DSCAM: variants seen among roughly 807,000 people sequenced by gnomAD.
DSCAM encodes the protein DS cell adhesion molecule.
A neutral mutation model predicts 217.7 loss-of-function variants in DSCAM; 47 were observed. That is an observed-to-expected ratio of 0.22 (90% CI 0.17 to 0.28). The LOEUF (loss-of-function observed/expected upper bound fraction) is 0.28, where lower values mean the gene tolerates loss of function less well. Among genes scored for constraint, DSCAM ranks in the 10% least tolerant of loss-of-function variants. The pLI is 1.00. For missense variants in DSCAM, 2,080 were observed against 2,618.3 expected, an observed-to-expected ratio of 0.79 and a Z score of 4.49; for synonymous variants, 1,056 against 1,015.3, an observed-to-expected ratio of 1.04 and a Z score of -0.76.
chr21:40,426,728 G>A (rs2075478598), intron 3 of DSCAM, among the ~76,000 whole-genome samples: 1 of 152,100 alleles, frequency 6.6e-6, no homozygotes, highest in Non-Finnish European at 1.5e-5. Flanking sequence ...AAGCTTTGTT[G>A]TGTGCTTCCT....
chr21:40,083,126 C>T (rs992044646), intron 24 of DSCAM, among the ~76,000 whole-genome samples: 3 of 152,208 alleles, frequency 2.0e-5, no homozygotes, highest in Non-Finnish European at 4.4e-5. Flanking sequence ...ATGCTCACTC[C>T]TTCCATATAA....
chr21:40,512,892 A>G (rs567723313), intron 3 of DSCAM, among the ~76,000 whole-genome samples: 8 of 151,480 alleles, frequency 5.3e-5, no homozygotes, highest in Admixed American at 1.3e-4. Context: ...ACTAATTTTT[A>G]TTTTTATTTA....
At chr21:40,045,189 A>G (rs1395948750) in intron 30 of DSCAM, among the ~76,000 whole-genome samples, 1 of 152,216 alleles carries the variant, frequency 6.6e-6, no homozygotes. Context: ...GGAAATTAAT[A>G]CAGATGTTGC....
intron 3 of DSCAM, among the ~76,000 whole-genome samples, chr21:40,508,852 G>A (rs1249576395): frequency 2.9e-5 from 4 of 138,758 alleles, no homozygotes; most frequent in Non-Finnish European, 6.1e-5. Flanking sequence ...TGCCCAGGCT[G>A]GTCTCAAACT....
intron 3 of DSCAM, among the ~76,000 whole-genome samples, chr21:40,491,052 C>T (rs551268186): frequency 2.6e-5 from 4 of 152,108 alleles, no homozygotes; most frequent in Non-Finnish European, 4.4e-5. Flanking sequence ...TCTCTGCCCC[C>T]GTGTTTTAAG....
intron 3 of DSCAM, among the ~76,000 whole-genome samples, chr21:40,503,233 C>T (rs1307625709): frequency 2.6e-5 from 4 of 152,202 alleles, no homozygotes; most frequent in Non-Finnish European, 5.9e-5. Context: ...GAGCGCTCCA[C>T]CGACCTTGGA....
intron 1 of DSCAM, among the ~76,000 whole-genome samples, chr21:40,766,742 T>C (rs1374041987): frequency 5.1e-5 from 7 of 137,610 alleles, no homozygotes; most frequent in Non-Finnish European, 7.6e-5. Context: ...CAGTCTGGAG[T>C]GCAGTGGTGC....
intron 14 of DSCAM, among the ~76,000 whole-genome samples, chr21:40,183,865 G>T (rs1277041368): frequency 6.6e-6 from 1 of 152,158 alleles, no homozygotes; most frequent in African/African-American, 2.4e-5. Flanking sequence ...CTTTTGGGGG[G>T]ATAATTTCAC....
At chr21:40,654,810 C>T (rs2090055377) in intron 3 of DSCAM, among the ~76,000 whole-genome samples, 1 of 152,138 alleles carries the variant, frequency 6.6e-6, no homozygotes, top group Non-Finnish European at 1.5e-5. Context: ...AATCACATCT[C>T]CAGATTCTTA....
At chr21:40,446,541 A>C (rs148126986) in intron 3 of DSCAM, among the ~76,000 whole-genome samples, 1 of 152,198 alleles carries the variant, frequency 6.6e-6, no homozygotes, top group African/African-American at 2.4e-5. Context: ...GATCAACTGC[A>C]TTAAGGAAGA....
rs1480709695 is a variant in DSCAM, at chr21:40,025,461, T to G, written c.5687-12075A>C. On this transcript the variant is annotated intron_variant, in intron 32 of 32. Transcript: ENST00000400454. ...AGAAGGAATGGTACCAGTTCCTCCT[T>G]GTACCTCTGGTAGAATTCGGCTGTG... Among the ~76,000 whole-genome samples, 436 of 147,066 alleles carry G rather than the reference T, an allele frequency of 3.0e-3. 14 individuals carry two copies. The highest frequency in any genetic ancestry group is 0.011 in the African/African-American group (425 of 38,798).
At chr21:40,770,529 G>A (rs1265968776) in intron 1 of DSCAM, among the ~76,000 whole-genome samples, 1 of 152,198 alleles carries the variant, frequency 6.6e-6, no homozygotes, top group Non-Finnish European at 1.5e-5. Context: ...ATGCAATATT[G>A]TCAAAATTGC....
chr21:40,145,572 C>T (rs564247549), intron 16 of DSCAM, among the ~76,000 whole-genome samples: 2 of 152,170 alleles, frequency 1.3e-5, no homozygotes, highest in African/African-American at 4.8e-5. Context: ...AGGCTGGGCG[C>T]GGTGGCTCAC....
At chr21:40,770,547 G>A (rs568822979) in intron 1 of DSCAM, among the ~76,000 whole-genome samples, 16 of 152,294 alleles carry the variant, frequency 1.1e-4, no homozygotes, top group South Asian at 4.2e-4. Context: ...TGCTGATAAC[G>A]GCCAAGTCAG....
chr21:40,743,157 A>G (rs569450525), intron 1 of DSCAM, among the ~76,000 whole-genome samples: 2 of 152,302 alleles, frequency 1.3e-5, no homozygotes, highest in Admixed American at 1.3e-4. Flanking sequence ...TGAATCAACC[A>G]CTTTGAAGAG....
intron 1 of DSCAM, among the ~76,000 whole-genome samples, chr21:40,742,591 C>T (rs911495573): frequency 1.3e-5 from 2 of 152,172 alleles, no homozygotes; most frequent in Non-Finnish European, 2.9e-5. Context: ...TAATTTGTGA[C>T]AGCAGCAATA....
At chr21:40,135,313 A>G (rs958087449) in intron 18 of DSCAM, among the ~76,000 whole-genome samples, 5 of 152,190 alleles carry the variant, frequency 3.3e-5, no homozygotes, top group Non-Finnish European at 7.3e-5. Context: ...TGGCCTCCAT[A>G]TAGGGAGTGG....
intron 15 of DSCAM, among the ~76,000 whole-genome samples, chr21:40,175,770 A>AAC (rs1329501944): frequency 0.011 from 1,450 of 126,362 alleles, 42 homozygotes; most frequent in African/African-American, 0.033. Context: ...ATATTTTCTC[A>AAC]ACACACACAT....
chr21:40,702,108 T>C (rs546565217), intron 2 of DSCAM, among the ~76,000 whole-genome samples: 14 of 152,214 alleles, frequency 9.2e-5, no homozygotes, highest in African/African-American at 3.4e-4. Context: ...TTTTGAAGTT[T>C]TGTTGTTGGG....
Sources: gnomAD v4.1 joint callset for allele counts (sites outside exome capture counted in the v4.1 genomes callset) on GRCh38, gnomAD v4.1.1 for gene constraint, MANE v1.5 for transcripts, NCBI Gene and HGNC (gene_info 2026-07-23, HGNC 2026-07-21) for gene names.